NME7: variants seen among roughly 807,000 people sequenced by gnomAD.
NME7 encodes NME/NM23 family member 7, also known as nucleoside diphosphate kinase 7.
NME7 carries 41 observed loss-of-function variants against 49.1 expected under a neutral mutation model. The ratio of observed to expected loss-of-function variants is 0.83; its 90% confidence interval spans 0.65 to 1.08. The LOEUF (loss-of-function observed/expected upper bound fraction) is 1.08. Among genes scored for constraint, NME7 ranks in the 50% least tolerant of loss-of-function variants. The pLI, the probability that NME7 is intolerant of heterozygous loss-of-function variation, is 0.00. For synonymous variants in NME7, 139 were observed against 150.6 expected, an observed-to-expected ratio of 0.92 and a Z score of 0.56; for missense variants, 423 against 463.4, an observed-to-expected ratio of 0.91 and a Z score of 0.80.
chr1:169,333,545 C>A (rs572990876), intron 1 of NME7, among the ~76,000 whole-genome samples: 1 of 152,066 alleles, frequency 6.6e-6, no homozygotes, highest in Non-Finnish European at 1.5e-5. Context: ...GGACAGAGCA[C>A]ATTCACCATG....
At chr1:169,320,046 A>G (rs1383723192) in intron 3 of NME7, among the ~76,000 whole-genome samples, 2 of 152,214 alleles carry the variant, frequency 1.3e-5, no homozygotes, top group Non-Finnish European at 2.9e-5. Flanking sequence ...AAATTCCTCT[A>G]TCATTCATAC....
At chr1:169,332,788 T>G (rs187171299) in intron 1 of NME7, among the ~76,000 whole-genome samples, 48 of 152,274 alleles carry the variant, frequency 3.2e-4, no homozygotes, top group Non-Finnish European at 5.4e-4. Flanking sequence ...TTATCCCAGT[T>G]AAAATGGCTC....
At chr1:169,325,897 G>A (rs985701642) in intron 1 of NME7, among the ~76,000 whole-genome samples, 21 of 152,052 alleles carry the variant, frequency 1.4e-4, no homozygotes, top group African/African-American at 5.1e-4. Context: ...ATTTGTAAAA[G>A]CCTTTCATCA....
At chr1:169,147,936 C>T (rs1658805908) in intron 11 of NME7, among the ~76,000 whole-genome samples, 1 of 152,136 alleles carries the variant, frequency 6.6e-6, no homozygotes, top group Non-Finnish European at 1.5e-5. Flanking sequence ...GAAAATTGCT[C>T]ATACAATATT....
In NME7 at chr1:169,132,690, A is replaced by T; in HGVS notation, c.*95T>A. ...TGTTGATCTTGTATTCAGTCAGGTT[A>T]AAACAACGGACAATAAAAGAATGAA... On this transcript the variant is annotated 3_prime_UTR_variant, in exon 12 of 12. Transcript: ENST00000367811. 1 of 1,204,426 alleles carries T rather than the reference A, an allele frequency of 8.3e-7. No homozygotes were observed. Among genetic ancestry groups the T allele is most frequent in the Non-Finnish European group, 1.2e-6 (1 of 829,422 alleles). The allele number at this position is 1,204,426 out of a possible 1,614,324, so 74.6% of individuals were successfully genotyped here. A position where few individuals can be genotyped will look rare whatever the true frequency, so the allele number is the denominator to read the frequency against.
intron 3 of NME7, among the ~76,000 whole-genome samples, chr1:169,312,923 A>T (rs1651455741): frequency 6.6e-6 from 1 of 152,166 alleles, no homozygotes. Context: ...CCTATTCTAA[A>T]AGTAAACCTA....
intron 5 of NME7, among the ~76,000 whole-genome samples, chr1:169,300,706 A>G (rs1156571910): frequency 6.6e-6 from 1 of 152,186 alleles, no homozygotes; most frequent in African/African-American, 2.4e-5. Flanking sequence ...TACAGTAACC[A>G]AAACATCATG....
At chr1:169,328,256 A>G (rs1288164285) in intron 1 of NME7, among the ~76,000 whole-genome samples, 1 of 152,186 alleles carries the variant, frequency 6.6e-6, no homozygotes, top group East Asian at 1.9e-4. Flanking sequence ...GCAAGACTTA[A>G]TGTCTCTAAC....
intron 7 of NME7, among the ~76,000 whole-genome samples, chr1:169,282,274 T>C (rs1650052748): frequency 6.6e-6 from 1 of 152,232 alleles, no homozygotes; most frequent in South Asian, 2.1e-4. Context: ...AGTTTGTGTT[T>C]CTACAGGATC....
At chr1:169,323,077 A>C (rs1313294132) in intron 3 of NME7, 40 bp downstream of exon 3, 1 of 1,460,670 alleles carries the variant, frequency 6.8e-7, no homozygotes, top group Non-Finnish European at 9.1e-7. Context: ...TTGAACCCAA[A>C]GTTAGAGCAT....
At chr1:169,140,667 A>G (rs1658564901) in intron 11 of NME7, among the ~76,000 whole-genome samples, 1 of 151,724 alleles carries the variant, frequency 6.6e-6, no homozygotes, top group South Asian at 2.1e-4. Flanking sequence ...ACTTCCTCTT[A>G]GAAATTCATT....
intron 1 of NME7, among the ~76,000 whole-genome samples, chr1:169,354,271 T>A: frequency 6.6e-6 from 1 of 152,124 alleles, no homozygotes; most frequent in East Asian, 1.9e-4. Context: ...GTCATTATGT[T>A]AAGTGAAATA....
chr1:169,257,722 T>G (rs531683029), intron 7 of NME7, among the ~76,000 whole-genome samples: 7 of 134,506 alleles, frequency 5.2e-5, no homozygotes, highest in African/African-American at 1.8e-4. Flanking sequence ...ATAGAGCTGG[T>G]CTAGTAGTAA....
intron 4 of NME7, among the ~76,000 whole-genome samples, chr1:169,306,751 C>G (rs942768591): frequency 6.6e-6 from 1 of 152,142 alleles, no homozygotes; most frequent in Non-Finnish European, 1.5e-5. Context: ...GATGCAGTGG[C>G]TCATGCCTGT....
At chr1:169,280,141 T>A (rs1049528672) in intron 7 of NME7, among the ~76,000 whole-genome samples, 3 of 152,232 alleles carry the variant, frequency 2.0e-5, no homozygotes, top group African/African-American at 7.2e-5. Context: ...CCTGACTTTT[T>A]AATAATCACC....
At chr1:169,261,458 CAG>C (rs1242077318) in intron 7 of NME7, among the ~76,000 whole-genome samples, 1 of 133,868 alleles carries the variant, frequency 7.5e-6, no homozygotes, top group Non-Finnish European at 1.8e-5. Context: ...TTGTGTAAAG[CAG>C]AGTGTCCCAA....
intron 11 of NME7, among the ~76,000 whole-genome samples, chr1:169,157,297 C>A (rs780295930): frequency 2.6e-5 from 4 of 152,152 alleles, no homozygotes. Context: ...GCTGGAGATA[C>A]AAAAGTCCCT....
At chr1:169,344,037 A>G (rs941702840) in intron 1 of NME7, among the ~76,000 whole-genome samples, 1 of 152,152 alleles carries the variant, frequency 6.6e-6, no homozygotes, top group Non-Finnish European at 1.5e-5. Context: ...AAGTCTTCTA[A>G]TCCATGAAGT....
At chr1:169,312,367 A>T (rs1054794343) in intron 3 of NME7, among the ~76,000 whole-genome samples, 1 of 152,206 alleles carries the variant, frequency 6.6e-6, no homozygotes, top group Non-Finnish European at 1.5e-5. Flanking sequence ...TCAAGCTCAG[A>T]GTCACTGTGA....
Sources: gnomAD v4.1 joint callset for allele counts (sites outside exome capture counted in the v4.1 genomes callset) on GRCh38, gnomAD v4.1.1 for gene constraint, MANE v1.5 for transcripts, NCBI Gene and HGNC (gene_info 2026-07-23, HGNC 2026-07-21) for gene names.